The following MTMR7 variants were observed in gnomAD, a reference collection of about 807,000 sequenced individuals.
MTMR7 encodes the protein phosphatidylinositol-3-phosphate phosphatase MTMR7.
MTMR7 carries 76 observed loss-of-function variants against 81.2 expected under a neutral mutation model. The ratio of observed to expected loss-of-function variants is 0.94; its 90% CI spans 0.78 to 1.13. MTMR7 has a LOEUF of 1.13. Among genes scored for constraint, MTMR7 ranks in the 50% most tolerant of loss-of-function variants. The pLI is 0.00. For synonymous variants in MTMR7, 372 were observed against 289.8 expected, an observed-to-expected ratio of 1.28 and a Z score of -2.88; for missense variants, 1,044 against 820.0, an observed-to-expected ratio of 1.27 and a Z score of -3.34.
chr8:17,341,302 T>C lies in MTMR7; in HGVS notation c.732+61A>G, dbSNP rs931446015. 4 of 1,599,610 alleles carry C rather than the reference T, an allele frequency of 2.5e-6. No homozygotes were observed. In the African/African-American group the frequency reaches 5.3e-5, roughly 21 times the overall value. On this transcript the variant is annotated intron_variant, in intron 6 of 13. Transcript: ENST00000180173. ...ACAAGAGATGGCAGTCGGCTAGCCTTTGCCTGTCTCCAGTTTCACAACTCA... is the reference window on the plus strand; with the variant it reads ...ACAAGAGATGGCAGTCGGCTAGCCTCTGCCTGTCTCCAGTTTCACAACTCA...
intron 7 of MTMR7, among the ~76,000 whole-genome samples, chr8:17,326,874 G>A (rs1818710029): frequency 6.6e-6 from 1 of 152,200 alleles, no homozygotes; most frequent in Middle Eastern, 3.4e-3. Context: ...GAAACCATGA[G>A]ATAATAAATA....
intron 1 of MTMR7, among the ~76,000 whole-genome samples, chr8:17,394,666 T>A (rs910360863): frequency 6.6e-6 from 1 of 152,194 alleles, no homozygotes; most frequent in Non-Finnish European, 1.5e-5. Context: ...AATGTATACT[T>A]TTAAATGATG....
chr8:17,364,360 C>G (rs979393325), intron 3 of MTMR7, among the ~76,000 whole-genome samples: 2 of 152,116 alleles, frequency 1.3e-5, no homozygotes, highest in Non-Finnish European at 2.9e-5. Flanking sequence ...TTTTTGACTA[C>G]AATGTGGAAT....
At chr8:17,355,488 A>C (rs1164586558) in intron 4 of MTMR7, among the ~76,000 whole-genome samples, 3 of 152,150 alleles carry the variant, frequency 2.0e-5, no homozygotes, top group African/African-American at 7.2e-5. Flanking sequence ...AGCCATAATA[A>C]TCATAACTGG....
At chr8:17,305,998 T>G (rs1314877098) in intron 10 of MTMR7, 41 bp from the exon 11 acceptor site, 1 of 1,513,768 alleles carries the variant, frequency 6.6e-7, no homozygotes, top group Non-Finnish European at 9.0e-7. Flanking sequence ...GGCAGATTTA[T>G]TTTTAAAGTA....
rs966364766 is a variant in MTMR7, at chr8:17,325,113, G to C, written c.865+6037C>G. ...TACGGAAGAATGTGTCGAGCAAAAG[G>C]GACATCGGAACCGACAGCCACAGCC... On this transcript the variant is annotated intron_variant, in intron 7 of 13. Transcript: ENST00000180173. 2.0e-5 allele frequency among the ~76,000 whole-genome samples: 3 copies of C among 152,040 alleles called. No homozygotes were observed. The East Asian group carries it at 5.8e-4, about 29-fold the overall frequency.
At chr8:17,398,431 T>C (rs1158176797) in intron 1 of MTMR7, among the ~76,000 whole-genome samples, 1 of 152,112 alleles carries the variant, frequency 6.6e-6, no homozygotes, top group African/African-American at 2.4e-5. Context: ...CAGAATCTCT[T>C]AATAGCAGAA....
intron 7 of MTMR7, among the ~76,000 whole-genome samples, chr8:17,320,460 G>C (rs1234787603): frequency 1.3e-5 from 2 of 152,104 alleles, no homozygotes; most frequent in African/African-American, 4.8e-5. Flanking sequence ...AGAAGGGAGA[G>C]CTGGCTTAAA....
chr8:17,328,828 T>C (rs1334180055), intron 7 of MTMR7, among the ~76,000 whole-genome samples: 3 of 152,178 alleles, frequency 2.0e-5, no homozygotes, highest in Admixed American at 1.3e-4. Context: ...AATAACAAAA[T>C]TGCTTGCTAT....
intron 3 of MTMR7, among the ~76,000 whole-genome samples, chr8:17,365,931 C>T (rs893697399): frequency 1.2e-4 from 18 of 152,158 alleles, no homozygotes; most frequent in African/African-American, 4.1e-4. Context: ...AGCATGAGCT[C>T]AACCCAAACA....
chr8:17,325,102 T>A (rs1818611826), intron 7 of MTMR7, among the ~76,000 whole-genome samples: 1 of 152,100 alleles, frequency 6.6e-6, no homozygotes, highest in African/African-American at 2.4e-5. Flanking sequence ...GAAGAATGTG[T>A]CGAGCAAAAG....
At chr8:17,302,349 C>T in intron 12 of MTMR7, 69 bp from the exon 13 acceptor site, 4 of 1,519,684 alleles carry the variant, frequency 2.6e-6, no homozygotes, top group Non-Finnish European at 3.5e-6. Context: ...CTCAAGTCTT[C>T]TAAGGTATCT....
intron 6 of MTMR7, among the ~76,000 whole-genome samples, chr8:17,340,508 T>A (rs1223383388): frequency 1.3e-5 from 2 of 152,200 alleles, no homozygotes; most frequent in Non-Finnish European, 2.9e-5. Context: ...TTTGTGTCCA[T>A]CCCTCTGGGG....
intron 7 of MTMR7, among the ~76,000 whole-genome samples, chr8:17,314,761 A>G (rs1292732355): frequency 6.6e-6 from 1 of 152,222 alleles, no homozygotes; most frequent in East Asian, 1.9e-4. Flanking sequence ...TCTTCCTTCC[A>G]AATGCCTGCC....
At chr8:17,396,987 G>A (rs933419799) in intron 1 of MTMR7, among the ~76,000 whole-genome samples, 1 of 151,988 alleles carries the variant, frequency 6.6e-6, no homozygotes, top group South Asian at 2.1e-4. Flanking sequence ...AAGGAAACCT[G>A]CCGAATGGAA....
chr8:17,309,133 T>C, intron 10 of MTMR7, 144 bp downstream of exon 10: 4 of 612,486 alleles, frequency 6.5e-6, no homozygotes, highest in Non-Finnish European at 8.8e-6. Flanking sequence ...ATCTATGATA[T>C]GACATATACA....
At chr8:17,376,072 C>A (rs1487868319) in intron 1 of MTMR7, among the ~76,000 whole-genome samples, 1 of 152,202 alleles carries the variant, frequency 6.6e-6, no homozygotes, top group Admixed American at 6.5e-5. Context: ...CCAGTCACAT[C>A]CCAGTTATTC....
intron 1 of MTMR7, among the ~76,000 whole-genome samples, chr8:17,381,600 C>T (rs1243203230): frequency 1.3e-5 from 2 of 152,120 alleles, no homozygotes; most frequent in African/African-American, 2.4e-5. Context: ...GGACAGAAAG[C>T]AGTGGCACTG....
rs114969467 is a variant in MTMR7, at chr8:17,399,745, C to T, written c.24+13524G>A. Among the ~76,000 whole-genome samples the T allele has an allele frequency of 9.2e-3, 1,396 of 151,958 alleles. 19 individuals carry two copies. The highest frequency in any genetic ancestry group is 0.032 in the African/African-American group (1,313 of 41,466). The stretch of plus-strand genomic sequence containing the variant: ...GAAATCAGTATGGCCAAGAGATATC[C>T]GCACTCCCATGCTTATGGCAGCATT... On this transcript the variant is annotated intron_variant, in intron 1 of 13. Transcript: ENST00000180173.
Sources: allele counts gnomAD v4.1 joint callset (sites outside exome capture counted in the v4.1 genomes callset), GRCh38; gene constraint gnomAD v4.1.1; transcripts MANE v1.5; gene names NCBI Gene and HGNC (gene_info 2026-07-23, HGNC 2026-07-21).